The following KLHL1 variants were observed in gnomAD, a reference collection of about 807,000 sequenced individuals.
KLHL1 encodes the protein kelch like family member 1, also known as kelch-like protein 1.
In KLHL1, 47 loss-of-function variants were observed where a neutral mutation model predicts 77.7. That is an observed-to-expected ratio of 0.60 (90% CI 0.48 to 0.77). The LOEUF (loss-of-function observed/expected upper bound fraction) is 0.77. KLHL1 is among the 30% of genes least tolerant of loss of function. The probability of loss-of-function intolerance (pLI) is 0.00; values close to 1 mark genes in which losing one functional copy is unlikely to be tolerated. For synonymous variants in KLHL1, 360 were observed against 325.2 expected (o/e 1.11, Z -1.15); for missense variants, 925 against 910.8 (o/e 1.02, Z -0.20).
At chr13:69,870,481 C>A (rs1161262564) in intron 5 of KLHL1, among the ~76,000 whole-genome samples, 1 of 151,970 alleles carries the variant, frequency 6.6e-6, no homozygotes, top group Admixed American at 6.6e-5. Context: ...CATTTCTCTT[C>A]TTGTCCATCA....
intron 1 of KLHL1, among the ~76,000 whole-genome samples, chr13:70,055,729 G>A (rs568717096): frequency 1.4e-4 from 22 of 152,002 alleles, no homozygotes; most frequent in South Asian, 6.2e-4. Flanking sequence ...GTTTGTTTTC[G>A]CAATGAGAGT....
chr13:69,833,925 G>A (rs1437331414), intron 6 of KLHL1, among the ~76,000 whole-genome samples: 1 of 151,270 alleles, frequency 6.6e-6, no homozygotes, highest in Admixed American at 6.6e-5. Flanking sequence ...CTAAATAATG[G>A]CATTTGCAGC....
intron 7 of KLHL1, among the ~76,000 whole-genome samples, chr13:69,760,347 T>TTTA (rs141226123): frequency 0.039 from 5,870 of 150,112 alleles, 384 homozygotes; most frequent in African/African-American, 0.13. Context: ...GTTAGGATAT[T>TTTA]TTATTATTAT....
intron 1 of KLHL1, among the ~76,000 whole-genome samples, chr13:70,026,265 T>G (rs954890075): frequency 6.6e-6 from 1 of 152,142 alleles, no homozygotes; most frequent in African/African-American, 2.4e-5. Flanking sequence ...TATAACTGAT[T>G]TTTTTAAAAA....
At chr13:70,058,537 A>G (rs1034802992) in intron 1 of KLHL1, among the ~76,000 whole-genome samples, 14 of 152,172 alleles carry the variant, frequency 9.2e-5, no homozygotes, top group African/African-American at 3.4e-4. Context: ...GATCTCTATA[A>G]AGTATAGATC....
intron 6 of KLHL1, among the ~76,000 whole-genome samples, chr13:69,806,183 G>T (rs947560964): frequency 3.9e-5 from 6 of 152,104 alleles, no homozygotes; most frequent in Admixed American, 3.3e-4. Context: ...AGTAAATCTT[G>T]ATTCCTGTCT....
At chr13:70,007,185 G>C (rs1885426525) in intron 1 of KLHL1, among the ~76,000 whole-genome samples, 1 of 151,832 alleles carries the variant, frequency 6.6e-6, no homozygotes, top group Non-Finnish European at 1.5e-5. Context: ...AATGGAAAAA[G>C]TTTATTTGGA....
chr13:69,885,373 G>A (rs1040596553), intron 4 of KLHL1, among the ~76,000 whole-genome samples: 7 of 152,044 alleles, frequency 4.6e-5, no homozygotes, highest in African/African-American at 1.4e-4. Flanking sequence ...GGGACCTCAG[G>A]AGCTGGTATC....
chr13:69,925,523 A>T (rs1452245483), intron 4 of KLHL1, among the ~76,000 whole-genome samples: 9 of 152,186 alleles, frequency 5.9e-5, no homozygotes, highest in Admixed American at 5.2e-4. Flanking sequence ...TGACAGTATC[A>T]CTAATATCAC....
chr13:69,941,174 G>T (rs1883354834), intron 3 of KLHL1, among the ~76,000 whole-genome samples: 1 of 151,896 alleles, frequency 6.6e-6, no homozygotes, highest in South Asian at 2.1e-4. Flanking sequence ...CTTTTCATCA[G>T]CACAGGGAAC....
chr13:69,828,441 G>C (rs1878631165), intron 6 of KLHL1, among the ~76,000 whole-genome samples: 1 of 150,132 alleles, frequency 6.7e-6, no homozygotes, highest in African/African-American at 2.5e-5. Flanking sequence ...TTCTTGGGGA[G>C]GGAAGCCAGT....
intron 7 of KLHL1, among the ~76,000 whole-genome samples, chr13:69,794,863 G>C (rs1408109483): frequency 6.6e-6 from 1 of 152,012 alleles, no homozygotes; most frequent in Non-Finnish European, 1.5e-5. Context: ...CTCAGGAAAG[G>C]ATAAAGACAA....
At chr13:69,908,804 T>C (rs1185750191) in intron 4 of KLHL1, among the ~76,000 whole-genome samples, 1 of 151,420 alleles carries the variant, frequency 6.6e-6, no homozygotes, top group African/African-American at 2.4e-5. Flanking sequence ...TATCAATATT[T>C]CCTTGGACTT....
intron 1 of KLHL1, among the ~76,000 whole-genome samples, chr13:70,093,790 T>C (rs1887726188): frequency 6.6e-6 from 1 of 152,108 alleles, no homozygotes; most frequent in Admixed American, 6.6e-5. Flanking sequence ...CTCCAGGAGA[T>C]TGAGAAATGG....
chr13:69,866,623 A>G (rs1452258918), intron 5 of KLHL1, among the ~76,000 whole-genome samples: 1 of 152,130 alleles, frequency 6.6e-6, no homozygotes, highest in Non-Finnish European at 1.5e-5. Flanking sequence ...AATACTTGAG[A>G]GATGTTATGG....
intron 8 of KLHL1, 36 bp from the exon 9 acceptor site, chr13:69,719,617 A>G: frequency 6.6e-7 from 1 of 1,516,934 alleles, no homozygotes; most frequent in South Asian, 1.1e-5. Context: ...ATTTAATATC[A>G]TAGTCTGGAT....
intron 1 of KLHL1, among the ~76,000 whole-genome samples, chr13:70,017,320 T>C (rs989765576): frequency 2.0e-5 from 3 of 152,238 alleles, no homozygotes; most frequent in African/African-American, 7.2e-5. Context: ...TGGGGCTCTA[T>C]GGTCCATGGT....
intron 6 of KLHL1, among the ~76,000 whole-genome samples, chr13:69,811,432 T>C (rs1566280301): frequency 6.6e-6 from 1 of 151,950 alleles, no homozygotes; most frequent in Non-Finnish European, 1.5e-5. Context: ...TCAACATCCC[T>C]TCCTGATAAC....
At chr13:69,749,051 T>C (rs748879791) in intron 7 of KLHL1, among the ~76,000 whole-genome samples, 19 of 152,042 alleles carry the variant, frequency 1.2e-4, no homozygotes. Flanking sequence ...TTTTTGTAGA[T>C]TGCCACAATA....
Sources: gnomAD v4.1 joint callset for allele counts (sites outside exome capture counted in the v4.1 genomes callset) on GRCh38, gnomAD v4.1.1 for gene constraint, MANE v1.5 for transcripts, NCBI Gene and HGNC (gene_info 2026-07-23, HGNC 2026-07-21) for gene names.